Variants in PTK6 observed in about 807,000 individuals in gnomAD.
PTK6 encodes the protein protein-tyrosine kinase 6.
PTK6 carries 47 observed loss-of-function variants against 47.5 expected under a neutral mutation model. The observed-to-expected ratio is 0.99, with a 90% confidence interval of 0.78 to 1.26. PTK6 has a LOEUF of 1.26. Among genes scored for constraint, PTK6 ranks in the 50% most tolerant of loss-of-function variants. The pLI, the probability that PTK6 is intolerant of heterozygous loss-of-function variation, is 0.00. For synonymous variants in PTK6, 287 were observed against 276.5 expected, an observed-to-expected ratio of 1.04 and a Z score of -0.38; for missense variants, 618 against 625.3, an observed-to-expected ratio of 0.99 and a Z score of 0.12.
chr20:63,531,159 C>T (rs946444411), intron 5 of PTK6, among the ~76,000 whole-genome samples: 2 of 151,314 alleles, frequency 1.3e-5, no homozygotes, highest in African/African-American at 2.4e-5. Flanking sequence ...TGGTGGCTCA[C>T]GCCTGTAATC....
chr20:63,530,374 A>G lies in PTK6; in HGVS notation c.1015-143T>C. On this transcript the variant is annotated intron_variant, in intron 6 of 7. Coordinates refer to ENST00000542869, the MANE Select transcript of PTK6 (RefSeq NM_005975.4). This position sits in a 1 kb window ranked among gnomAD's most constrained non-coding sequence, Gnocchi z 4.1. ...TGACCCACGCACGGCCGCTGCAGCTAAGGCCACACTGGGGCCTGACCACCT... is the reference window on the plus strand; with the variant it reads ...TGACCCACGCACGGCCGCTGCAGCTGAGGCCACACTGGGGCCTGACCACCT... 1 of 1,112,108 alleles carries G rather than the reference A, an allele frequency of 9.0e-7. No individual in the cohort carries two copies. Among genetic ancestry groups the G allele is most frequent in the African/African-American group, 1.6e-5 (1 of 63,950 alleles). The allele number at this position is 1,112,108 out of a possible 1,614,324, so 68.9% of individuals were successfully genotyped here.
rs1215736207 is a variant in PTK6 at position 63,530,199 on chromosome 20, G to C, written c.1047C>G (p.Ile349Met). ...EDVYLSHDHNIPYKWTAPEAL... is the reference protein window; with the variant it reads ...EDVYLSHDHNMPYKWTAPEAL... The stretch of plus-strand genomic sequence containing the variant: ...CTTCAGGGGCCGTCCACTTGTAGGG[G>C]ATATTGTGGTCATGGGAGAGGTAGA... The change falls in exon 7 of 8, where the codon ATC becomes ATG. Residue 349 changes from isoleucine (I) to methionine (M), a missense_variant. Coordinates refer to ENST00000542869, the MANE Select transcript of PTK6 (RefSeq NM_005975.4). This position sits in a 1 kb window ranked among gnomAD's most constrained non-coding sequence, Gnocchi z 4.1. The C allele has an allele frequency of 8.1e-6, 13 of 1,614,084 alleles. No homozygotes were observed. The South Asian group carries it at 1.3e-4, about 16-fold the overall frequency.
Position 63,530,051 on chromosome 20 carries a change from C to A in PTK6, c.1168+27G>T, listed in dbSNP as rs746656152. Reference sequence around the variant, plus strand: ...GACCTCCCCCACTCTGCCTCTCATGCCCAGTCAGGGACAGTGGGGACAGTA... The same window carrying A: ...GACCTCCCCCACTCTGCCTCTCATGACCAGTCAGGGACAGTGGGGACAGTA... On this transcript the variant is annotated intron_variant, in intron 7 of 7. Transcript: ENST00000542869. This position sits in a 1 kb window ranked among gnomAD's most constrained non-coding sequence, Gnocchi z 4.1. 1.2e-6 allele frequency: 2 copies of A among 1,611,820 alleles called. No individual in the cohort carries two copies. The highest frequency in any genetic ancestry group is 3.3e-5 in the Admixed American group (2 of 59,980).
At position 63,530,235 on chromosome 20, in the gene PTK6, C is replaced by T. The variant is rs2082607371; in HGVS notation, c.1015-4G>A. The T allele has an allele frequency of 6.2e-6, 10 of 1,613,670 alleles. No individual in the cohort carries two copies. In the East Asian group the frequency reaches 2.2e-4, roughly 36 times the overall value. ...CATGGGAGAGGTAGACGTCCTCCTG[C>T]AATCAGCCTGGAGCTGAGTGGGCCG... On this transcript the variant is annotated splice_region_variant and splice_polypyrimidine_tract_variant and intron_variant, in intron 6 of 7. Coordinates refer to ENST00000542869, the MANE Select transcript of PTK6 (RefSeq NM_005975.4). The surrounding 1 kb of genome is among the most constrained non-coding windows in gnomAD (Gnocchi z 4.1).
rs775514718 is a variant in PTK6 at position 63,535,056 on chromosome 20, C to T, written c.234G>A (p.Trp78Ter). ...CCGAGCGGGAGATGCAGCCAAAGAA[C>T]CACCTGCAGGGGAGGAGTCTGAGAA... ...AERETVESEPWFFGCISRSEA... is the reference protein window; with the variant it reads ...AERETVESEP The change falls in exon 2 of 8, where the codon TGG (tryptophan) becomes TGA (stop). Residue 78 changes from tryptophan (W) to a stop codon, truncating the protein, a stop_gained. Transcript: ENST00000542869. LOFTEE classifies it high-confidence loss of function. 30 of 1,597,786 alleles carry T rather than the reference C, an allele frequency of 1.9e-5. No homozygotes were observed. Among genetic ancestry groups the T allele is most frequent in the Non-Finnish European group, 2.4e-5 (28 of 1,168,592 alleles).
At chr20:63,532,732 A>G in intron 4 of PTK6, 45 bp from the exon 5 acceptor site, 1 of 1,596,294 alleles carries the variant, frequency 6.3e-7, no homozygotes, top group Non-Finnish European at 8.5e-7. Context: ...CTGACCCCCC[A>G]GGCCCCAAGG....
chr20:63,535,728 A>G (rs1430429577), intron 1 of PTK6, among the ~76,000 whole-genome samples: 1 of 143,168 alleles, frequency 7.0e-6, no homozygotes, highest in Non-Finnish European at 1.5e-5. Context: ...ACCTGGAAGC[A>G]CTGCCCCACC....
At position 63,530,895 on chromosome 20, in the gene PTK6, G is replaced by A; in HGVS notation, c.865C>T (p.Leu289=). 6.2e-7 allele frequency: 1 copy of A among 1,613,204 alleles called. No homozygotes were observed. The highest frequency in any genetic ancestry group is 8.5e-7 in the Non-Finnish European group (1 of 1,179,682). ...SDEKVLPVSE[L]LDIAWQVAEG... The stretch of plus-strand genomic sequence containing the variant: ...GCCACCTGCCAGGCGATGTCCAGCA[G>A]CTCCGAAACGGGCAGGACTTTCTCA... The change falls in exon 6 of 8, where the codon CTG becomes TTG. Residue 289 remains leucine (L), a synonymous_variant. Transcript: ENST00000542869. This position sits in a 1 kb window ranked among gnomAD's most constrained non-coding sequence, Gnocchi z 4.1.
intron 5 of PTK6, among the ~76,000 whole-genome samples, chr20:63,532,272 CTGTG>C (rs753034107): frequency 8.5e-6 from 1 of 117,304 alleles, no homozygotes; most frequent in East Asian, 2.0e-4. Context: ...ATGTGTATGT[CTGTG>C]TGTGTCATGT....
At position 63,529,821 on chromosome 20, in the gene PTK6, C is replaced by T. The variant is rs560840680; in HGVS notation, c.1169-98G>A. ...CACTGCCCCTTCCTGGGGCCTTCCC[C>T]GCAGCCTCAGCTGCCATGCCTTGGC... is the stretch of plus-strand genomic sequence containing the variant. On this transcript the variant is annotated intron_variant, in intron 7 of 7. Coordinates refer to ENST00000542869, the MANE Select transcript of PTK6 (RefSeq NM_005975.4). This position sits in a 1 kb window ranked among gnomAD's most constrained non-coding sequence, Gnocchi z 5.6. The T allele has an allele frequency of 2.4e-5, 32 of 1,333,728 alleles. No individual in the cohort carries two copies. The highest frequency in any genetic ancestry group is 8.1e-5 in the Admixed American group (3 of 36,964). The allele number at this position is 1,333,728 out of a possible 1,614,324, so 82.6% of individuals were successfully genotyped here.
At chr20:63,531,691 C>T (rs556980857) in intron 5 of PTK6, among the ~76,000 whole-genome samples, 6 of 151,450 alleles carry the variant, frequency 4.0e-5, no homozygotes, top group African/African-American at 9.7e-5. Flanking sequence ...TTTGTGATGA[C>T]GCGGGAGGAG....
Position 63,529,923 on chromosome 20 carries a change from G to A in PTK6, c.1168+155C>T. 8.9e-7 allele frequency: 1 copy of A among 1,124,582 alleles called. No individual in the cohort carries two copies. The highest frequency in any genetic ancestry group is 2.7e-5 in the Admixed American group (1 of 37,128). 69.7% of individuals were successfully genotyped at this position (1,124,582 alleles called of 1,614,324 possible). A position where few individuals can be genotyped will look rare whatever the true frequency, so the allele number is the denominator to read the frequency against. ...ACAGGCAGCTCCAGGCACCAGCCTG[G>A]GTGCTCAGAGAATGGTGCAGGTGTG... On this transcript the variant is annotated intron_variant, in intron 7 of 7. Transcript: ENST00000542869. This position sits in a 1 kb window ranked among gnomAD's most constrained non-coding sequence, Gnocchi z 5.6.
Position 63,530,291 on chromosome 20 carries a change from A to G in PTK6, c.1015-60T>C. 1.3e-6 allele frequency: 2 copies of G among 1,592,568 alleles called. No homozygotes were observed. The highest frequency in any genetic ancestry group is 1.7e-6 in the Non-Finnish European group (2 of 1,164,882). On this transcript the variant is annotated intron_variant, in intron 6 of 7. Coordinates refer to ENST00000542869, the MANE Select transcript of PTK6 (RefSeq NM_005975.4). This position sits in a 1 kb window ranked among gnomAD's most constrained non-coding sequence, Gnocchi z 4.1. ...GCTGCCTGTGCCCTGCCCCCGAAGC[A>G]TGGACGGGCACAGCGGCCGCATTGC...
chr20:63,534,198 G>C lies in PTK6; in HGVS notation c.470C>G (p.Ala157Gly). Residue 157 changes from alanine (A) to glycine (G), a missense_variant, in exon 3 of 8, where the codon GCC becomes GGC. Physicochemically the swap from Ala to Gly is moderately conservative, Grantham distance 60. Coordinates refer to ENST00000542869, the MANE Select transcript of PTK6 (RefSeq NM_005975.4). ...CCGCAGGCCGTGGGACAGGCTCTGG[G>C]CCCTGTGGTAGTTCACAAGCTCGGG... Reference protein sequence around the residue: ...SLPELVNYHRAQSLSHGLRLA... With the variant: ...SLPELVNYHRGQSLSHGLRLA... 6.3e-7 allele frequency: 1 copy of C among 1,577,512 alleles called. No homozygotes were observed. The highest frequency in any genetic ancestry group is 8.6e-7 in the Non-Finnish European group (1 of 1,162,840).
intron 2 of PTK6, 43 bp from the exon 3 acceptor site, chr20:63,534,358 C>T (rs769496632): frequency 1.6e-5 from 25 of 1,530,532 alleles, no homozygotes; most frequent in South Asian, 6.2e-5. Context: ...CCAACTCCGA[C>T]GCCTCCCTGC....
Position 63,530,725 on chromosome 20 carries a change from C to G in PTK6, c.1014+21G>C. Reference sequence around the variant, plus strand: ...GCCACGCCCCGGCCACGACCCCAGCCACGCCCTCTGAGGGCCCTACCTTGA... The same window carrying G: ...GCCACGCCCCGGCCACGACCCCAGCGACGCCCTCTGAGGGCCCTACCTTGA... On this transcript the variant is annotated intron_variant, in intron 6 of 7. Transcript: ENST00000542869. The surrounding 1 kb of genome is among the most constrained non-coding windows in gnomAD (Gnocchi z 4.1). The G allele has an allele frequency of 6.2e-7, 1 of 1,612,166 alleles. No individual in the cohort carries two copies. The highest frequency in any genetic ancestry group is 8.5e-7 in the Non-Finnish European group (1 of 1,179,256).
rs777601883 is a variant in PTK6 at position 63,537,037 on chromosome 20, C to T, written c.230+48G>A. The stretch of plus-strand genomic sequence containing the variant: ...CCCAGAGCCCTGTCCCTCCCCTGTG[C>T]CTAGAGGGTGGCCTGTGCCAAAGCT... On this transcript the variant is annotated intron_variant, in intron 1 of 7. Transcript: ENST00000542869. 23 of 1,541,690 alleles carry T rather than the reference C, an allele frequency of 1.5e-5. No individual in the cohort carries two copies. In the Admixed American group the frequency reaches 2.1e-4, roughly 14 times the overall value.
chr20:63,530,607 C>T lies in PTK6; in HGVS notation c.1014+139G>A. ...CACCGGACTCACGGTGGCTTCCCAC[C>T]TCCCTGCCCAGCCTGGGCTCCCGAG... On this transcript the variant is annotated intron_variant, in intron 6 of 7. Coordinates refer to ENST00000542869, the MANE Select transcript of PTK6 (RefSeq NM_005975.4). This position sits in a 1 kb window ranked among gnomAD's most constrained non-coding sequence, Gnocchi z 4.1. The T allele has an allele frequency of 8.9e-7, 1 of 1,127,656 alleles. No individual in the cohort carries two copies. The highest frequency in any genetic ancestry group is 1.2e-6 in the Non-Finnish European group (1 of 811,822). 69.9% of individuals were successfully genotyped at this position (1,127,656 alleles called of 1,614,324 possible). A position where few individuals can be genotyped will look rare whatever the true frequency, so the allele number is the denominator to read the frequency against.
intron 5 of PTK6, among the ~76,000 whole-genome samples, chr20:63,531,704 G>A (rs933157864): frequency 5.3e-5 from 8 of 152,142 alleles, no homozygotes; most frequent in Non-Finnish European, 8.8e-5. Context: ...GGGAGGAGCT[G>A]GACGCAGAAG....
Sources: gnomAD v4.1 joint callset for allele counts (sites outside exome capture counted in the v4.1 genomes callset) on GRCh38, gnomAD v4.1.1 for gene constraint, Gnocchi (gnomAD v3.1) non-coding constraint, MANE v1.5 for transcripts, NCBI Gene and HGNC (gene_info 2026-07-23, HGNC 2026-07-21) for gene names.